CTNNA3: variants seen among roughly 807,000 people sequenced by gnomAD.
CTNNA3 encodes the protein catenin alpha-3.
Under a neutral mutation model 95.7 loss-of-function variants are expected in CTNNA3, and 76 were observed. The observed-to-expected ratio is 0.79, with a 90% CI of 0.66 to 0.96. The LOEUF is 0.96. Ranked by LOEUF, CTNNA3 falls within the 40% of genes least tolerant of loss-of-function variation. The pLI, the probability that CTNNA3 is intolerant of heterozygous loss-of-function variation, is 0.00. For synonymous variants in CTNNA3, 431 were observed against 374.4 expected, an observed-to-expected ratio of 1.15 and a Z score of -1.74; for missense variants, 1,191 against 1,089.8, an observed-to-expected ratio of 1.09 and a Z score of -1.31.
At chr10:66,152,450 G>A (rs1288175607) in intron 13 of CTNNA3, among the ~76,000 whole-genome samples, 1 of 151,718 alleles carries the variant, frequency 6.6e-6, no homozygotes, top group Non-Finnish European at 1.5e-5. Context: ...TGAAAACTAA[G>A]AATGTTCTAA....
At chr10:67,421,572 T>C (rs1447764224) in intron 5 of CTNNA3, among the ~76,000 whole-genome samples, 14 of 152,190 alleles carry the variant, frequency 9.2e-5, no homozygotes, top group Non-Finnish European at 2.1e-4. Context: ...TCATGGGCTT[T>C]GGGTTTTTAG....
intron 1 of CTNNA3, among the ~76,000 whole-genome samples, chr10:67,717,402 T>G (rs928905957): frequency 6.6e-6 from 1 of 152,222 alleles, no homozygotes; most frequent in African/African-American, 2.4e-5. Context: ...CATGCCTATG[T>G]CCTGAATGGT....
chr10:66,385,491 C>T (rs562673314), intron 11 of CTNNA3, among the ~76,000 whole-genome samples: 1 of 152,150 alleles, frequency 6.6e-6, no homozygotes, highest in Non-Finnish European at 1.5e-5. Context: ...GAAGGATTCA[C>T]AGCCAAATTC....
chr10:66,630,136 T>C (rs1369618162), intron 9 of CTNNA3, among the ~76,000 whole-genome samples: 2 of 152,180 alleles, frequency 1.3e-5, no homozygotes, highest in Admixed American at 6.5e-5. Context: ...AGACAGTCTA[T>C]AAATAGTTCT....
rs769772215 is a variant in CTNNA3, at chr10:66,927,272, A to C, written c.1048-151748T>G. ...CTCAAAGAGCTGATTCTTAGTTCCA[A>C]TAGAATCTCCTATTTTCTTAACAAT... is the stretch of plus-strand genomic sequence containing the variant. On this transcript the variant is annotated intron_variant, in intron 7 of 17. Transcript: ENST00000433211. This position sits in a 1 kb window ranked among gnomAD's most constrained non-coding sequence, Gnocchi z 4.7. 1 of 1,614,040 alleles carries C rather than the reference A, an allele frequency of 6.2e-7. No individual in the cohort carries two copies. Among genetic ancestry groups the C allele is most frequent in the Non-Finnish European group, 8.5e-7 (1 of 1,179,966 alleles).
At chr10:67,608,415 CTG>C (rs1248277333) in intron 2 of CTNNA3, among the ~76,000 whole-genome samples, 1 of 151,962 alleles carries the variant, frequency 6.6e-6, no homozygotes, top group Non-Finnish European at 1.5e-5. Flanking sequence ...TCATTTTTGA[CTG>C]TTTTATCAAA....
At chr10:67,568,594 C>T (rs1407703097) in intron 3 of CTNNA3, among the ~76,000 whole-genome samples, 3 of 151,582 alleles carry the variant, frequency 2.0e-5, no homozygotes. Flanking sequence ...TAAATTTTGT[C>T]CTAGGGAACT....
chr10:67,711,760 A>G (rs1841111259), intron 1 of CTNNA3, among the ~76,000 whole-genome samples: 1 of 123,922 alleles, frequency 8.1e-6, no homozygotes, highest in Admixed American at 1.1e-4. Flanking sequence ...CTGTCCCCAG[A>G]GTGTGATGTT....
intron 9 of CTNNA3, among the ~76,000 whole-genome samples, chr10:66,714,813 T>C (rs2132617048): frequency 6.6e-6 from 1 of 152,244 alleles, no homozygotes; most frequent in Non-Finnish European, 1.5e-5. Context: ...AGTCATATTT[T>C]TAAAAGGCAA....
At chr10:66,460,387 A>G (rs955239995) in intron 11 of CTNNA3, among the ~76,000 whole-genome samples, 11 of 152,178 alleles carry the variant, frequency 7.2e-5, no homozygotes, top group Admixed American at 6.6e-4. Flanking sequence ...ATTCTGACAC[A>G]TTCTGATAAT....
intron 5 of CTNNA3, among the ~76,000 whole-genome samples, chr10:67,507,164 T>G (rs1013073588): frequency 1.1e-4 from 16 of 152,204 alleles, no homozygotes; most frequent in African/African-American, 3.9e-4. Context: ...GATAAATTCC[T>G]AGACACATAA....
chr10:67,152,382 C>G (rs1038419746), intron 7 of CTNNA3, among the ~76,000 whole-genome samples: 1 of 152,038 alleles, frequency 6.6e-6, no homozygotes, highest in African/African-American at 2.4e-5. Context: ...ATTATGTGCC[C>G]GTTACACTGG....
At chr10:67,622,244 G>A (rs996503398) in intron 2 of CTNNA3, among the ~76,000 whole-genome samples, 5 of 152,112 alleles carry the variant, frequency 3.3e-5, no homozygotes, top group Non-Finnish European at 7.3e-5. Flanking sequence ...TCCACTAAGA[G>A]GGCAGGTGTA....
chr10:66,296,534 C>T (rs1457105233), intron 12 of CTNNA3, among the ~76,000 whole-genome samples: 2 of 151,650 alleles, frequency 1.3e-5, no homozygotes, highest in East Asian at 3.9e-4. Context: ...AAAATAAACT[C>T]ACACACACAT....
At chr10:66,849,226 T>A (rs964429463) in intron 7 of CTNNA3, among the ~76,000 whole-genome samples, 2 of 152,206 alleles carry the variant, frequency 1.3e-5, no homozygotes, top group Non-Finnish European at 1.5e-5. Flanking sequence ...AGTTGTTTGT[T>A]CAAGATATGC....
At chr10:67,627,650 T>A (rs1405454596) in intron 2 of CTNNA3, among the ~76,000 whole-genome samples, 1 of 152,162 alleles carries the variant, frequency 6.6e-6, no homozygotes, top group Non-Finnish European at 1.5e-5. Context: ...GTTTAGATAA[T>A]TTTGACATCT....
At chr10:65,929,239 T>A (rs186088718) in intron 17 of CTNNA3, among the ~76,000 whole-genome samples, 1 of 151,528 alleles carries the variant, frequency 6.6e-6, no homozygotes, top group African/African-American at 2.4e-5. Context: ...TTTTCCATGG[T>A]GTATATGTGC....
intron 12 of CTNNA3, among the ~76,000 whole-genome samples, chr10:66,331,409 A>T (rs1432859193): frequency 8.5e-6 from 1 of 117,184 alleles, no homozygotes; most frequent in Non-Finnish European, 1.6e-5. Context: ...GCTGGAGTGC[A>T]GTGGCGCGAT....
At chr10:67,508,524 T>G (rs143285498) in intron 5 of CTNNA3, among the ~76,000 whole-genome samples, 1 of 152,334 alleles carries the variant, frequency 6.6e-6, no homozygotes, top group East Asian at 1.9e-4. Flanking sequence ...GGATTAAAGC[T>G]GTAAACATAA....
Sources: gnomAD v4.1 joint callset for allele counts (sites outside exome capture counted in the v4.1 genomes callset) on GRCh38, gnomAD v4.1.1 for gene constraint, Gnocchi (gnomAD v3.1) non-coding constraint, MANE v1.5 for transcripts, NCBI Gene and HGNC (gene_info 2026-07-23, HGNC 2026-07-21) for gene names.